CCDC88C: variants seen among roughly 807,000 people sequenced by gnomAD.
CCDC88C encodes protein Daple.
Under a neutral mutation model 198.8 loss-of-function variants are expected in CCDC88C, and 131 were observed. The ratio of observed to expected loss-of-function variants is 0.66; its 90% CI spans 0.57 to 0.76. The LOEUF (loss-of-function observed/expected upper bound fraction) is 0.76. CCDC88C is among the 30% of genes least tolerant of loss of function. CCDC88C has a pLI of 0.00. For missense variants in CCDC88C, 2,553 were observed against 2,631.6 expected (o/e 0.97, Z 0.65); for synonymous variants, 1,166 against 1,114.7 (o/e 1.05, Z -0.92).
chr14:91,365,135 T>A (rs1596116546), intron 3 of CCDC88C, among the ~76,000 whole-genome samples: 1 of 151,856 alleles, frequency 6.6e-6, no homozygotes, highest in Non-Finnish European at 1.5e-5. Flanking sequence ...TACGGTCCCC[T>A]CCAGCCTAAG....
Position 91,339,589 on chromosome 14 carries a change from G to A in CCDC88C, c.625-127C>T, listed in dbSNP as rs1893218598. On this transcript the variant is annotated intron_variant, in intron 7 of 29. Coordinates refer to ENST00000389857, the MANE Select transcript of CCDC88C (RefSeq NM_001080414.4). This position sits in a 1 kb window ranked among gnomAD's most constrained non-coding sequence, Gnocchi z 5.8. ...TCAGCGGAGACTAAGAAACGAGGAG[G>A]AAGGTGGGAAAAGGCTGGCATGGGT... 4.1e-6 allele frequency: 4 copies of A among 977,008 alleles called. No individual in the cohort carries two copies. The highest frequency in any genetic ancestry group is 2.3e-4 in the Middle Eastern group (1 of 4,368). The allele number at this position is 977,008 out of a possible 1,614,324, so 60.5% of individuals were successfully genotyped here.
chr14:91,321,105 A>G lies in CCDC88C; in HGVS notation c.1527+15T>C. On this transcript the variant is annotated intron_variant, in intron 13 of 29. Coordinates refer to ENST00000389857, the MANE Select transcript of CCDC88C (RefSeq NM_001080414.4). ...GGTTCTGTGCTTCCCCGGTGGCCTA[A>G]GGAGGCCGAGGTACCTTCTTGCTGA... The G allele has an allele frequency of 6.3e-7, 1 of 1,598,634 alleles. No individual in the cohort carries two copies. Among genetic ancestry groups the G allele is most frequent in the Non-Finnish European group, 8.5e-7 (1 of 1,172,280 alleles).
chr14:91,357,521 G>C (rs1894091985), intron 4 of CCDC88C, among the ~76,000 whole-genome samples: 1 of 152,202 alleles, frequency 6.6e-6, no homozygotes, highest in Non-Finnish European at 1.5e-5. Context: ...GCGTGCTAAG[G>C]AGTGGCTGTC....
chr14:91,339,740 G>T lies in CCDC88C; in HGVS notation c.624+144C>A. 1 of 1,084,820 alleles carries T rather than the reference G, an allele frequency of 9.2e-7. No homozygotes were observed. Among genetic ancestry groups the T allele is most frequent in the Non-Finnish European group, 1.3e-6 (1 of 778,690 alleles). The allele number at this position is 1,084,820 out of a possible 1,614,324, so 67.2% of individuals were successfully genotyped here. ...GAGGTGACCATGCACTGCAGGGGCC[G>T]TAACCAGGGAAAGCACGCACGTCCC... On this transcript the variant is annotated intron_variant, in intron 7 of 29. Transcript: ENST00000389857. This position sits in a 1 kb window ranked among gnomAD's most constrained non-coding sequence, Gnocchi z 5.8.
chr14:91,390,279 A>T lies in CCDC88C; in HGVS notation c.270+18380T>A, dbSNP rs530428514. Among the ~76,000 whole-genome samples, 23 of 152,158 alleles carry T rather than the reference A, an allele frequency of 1.5e-4. 1 individual carries two copies. In the South Asian group the frequency reaches 3.5e-3, roughly 23 times the overall value. Reference sequence around the variant, plus strand: ...CGATTCTGCTCCTTGACACAGATTTAAGCACGGCGTCTGGCACATAGCCAT... The same window carrying T: ...CGATTCTGCTCCTTGACACAGATTTTAGCACGGCGTCTGGCACATAGCCAT... On this transcript the variant is annotated intron_variant, in intron 3 of 29. Coordinates refer to ENST00000389857, the MANE Select transcript of CCDC88C (RefSeq NM_001080414.4).
At chr14:91,345,190 A>ATATATATATATATATTTTTTT (rs1246878587) in intron 4 of CCDC88C, among the ~76,000 whole-genome samples, 2 of 52,200 alleles carry the variant, frequency 3.8e-5, no homozygotes, top group African/African-American at 1.6e-4. Context: ...ATATATATAT[A>ATATATATATATATATTTTTTT]TTTTTTTTTT....
At chr14:91,416,537 T>C (rs1442689821) in intron 2 of CCDC88C, among the ~76,000 whole-genome samples, 6 of 152,140 alleles carry the variant, frequency 3.9e-5, no homozygotes, top group Non-Finnish European at 8.8e-5. Flanking sequence ...TCAAACCAAC[T>C]GCCAGACCCA....
At chr14:91,397,485 C>T (rs1194632183) in intron 3 of CCDC88C, among the ~76,000 whole-genome samples, 1 of 152,206 alleles carries the variant, frequency 6.6e-6, no homozygotes, top group Admixed American at 6.5e-5. Flanking sequence ...CACTCTCACA[C>T]TCATACTCAC....
chr14:91,371,768 C>G lies in CCDC88C; in HGVS notation c.271-12057G>C, dbSNP rs778641910. On this transcript the variant is annotated intron_variant, in intron 3 of 29. Coordinates refer to ENST00000389857, the MANE Select transcript of CCDC88C (RefSeq NM_001080414.4). The surrounding 1 kb of genome is among the most constrained non-coding windows in gnomAD (Gnocchi z 4.2). Reference sequence around the variant, plus strand: ...CACTCCACCGCTCACCCACCCAGGCCCACAGGCACCTATGCCAGGGCAGGG... The same window carrying G: ...CACTCCACCGCTCACCCACCCAGGCGCACAGGCACCTATGCCAGGGCAGGG... Among the ~76,000 whole-genome samples, 2 of 152,216 alleles carry G rather than the reference C, an allele frequency of 1.3e-5. No homozygotes were observed. Among genetic ancestry groups the G allele is most frequent in the Non-Finnish European group, 2.9e-5 (2 of 68,040 alleles).
At chr14:91,310,096 C>A in intron 15 of CCDC88C, 110 bp from the exon 16 acceptor site, 1 of 1,136,670 alleles carries the variant, frequency 8.8e-7, no homozygotes, top group South Asian at 1.7e-5. Context: ...CCACGGCTGC[C>A]TCCGTGTGGA....
rs769432544 is a variant in CCDC88C at position 91,417,722 on chromosome 14, C to A, written c.-32G>T. On this transcript the variant is annotated 5_prime_UTR_variant, in exon 1 of 30. Coordinates refer to ENST00000389857, the MANE Select transcript of CCDC88C (RefSeq NM_001080414.4). The stretch of plus-strand genomic sequence containing the variant: ...GCTGCGCCCGCCGGCTCCGCGCCCC[C>A]CGCCCCGCGTCCCCGTTCCCCCGCG... 9 of 1,479,520 alleles carry A rather than the reference C, an allele frequency of 6.1e-6. No homozygotes were observed. In the East Asian group the frequency reaches 2.3e-4, roughly 38 times the overall value. The allele number at this position is 1,479,520 out of a possible 1,614,324, so 91.6% of individuals were successfully genotyped here.
chr14:91,275,092 C>T (rs1056305296), intron 29 of CCDC88C, among the ~76,000 whole-genome samples: 1 of 152,066 alleles, frequency 6.6e-6, no homozygotes, highest in Non-Finnish European at 1.5e-5. Context: ...ACATTAGGGG[C>T]CTTGTGTGTC....
chr14:91,302,446 C>A lies in CCDC88C; in HGVS notation c.3635+1255G>T, dbSNP rs962690895. Among the ~76,000 whole-genome samples, 3 of 152,354 alleles carry A rather than the reference C, an allele frequency of 2.0e-5. No homozygotes were observed. In the East Asian group the frequency reaches 5.8e-4, roughly 29 times the overall value. On this transcript the variant is annotated intron_variant, in intron 20 of 29. Coordinates refer to ENST00000389857, the MANE Select transcript of CCDC88C (RefSeq NM_001080414.4). ...CTCTGGAGAGCAGCATCCTACCTCT[C>A]CTAGCCCTCCCTGGATCCTGCCATG...
chr14:91,322,115 T>C (rs1892380335), intron 12 of CCDC88C, among the ~76,000 whole-genome samples: 1 of 151,890 alleles, frequency 6.6e-6, no homozygotes, highest in South Asian at 2.1e-4. Flanking sequence ...GCCCGGTTCT[T>C]CCCCCCTTCA....
At chr14:91,399,194 G>C (rs1251055922) in intron 3 of CCDC88C, among the ~76,000 whole-genome samples, 1 of 152,108 alleles carries the variant, frequency 6.6e-6, no homozygotes, top group African/African-American at 2.4e-5. Flanking sequence ...ACCTCCCCAT[G>C]GCTCCCATCT....
At chr14:91,413,316 A>G (rs1348734816) in intron 2 of CCDC88C, among the ~76,000 whole-genome samples, 2 of 152,162 alleles carry the variant, frequency 1.3e-5, no homozygotes, top group East Asian at 1.9e-4. Flanking sequence ...ATCTCCCCCA[A>G]ATTGGTAAAA....
chr14:91,387,519 T>C (rs1308328175), intron 3 of CCDC88C, among the ~76,000 whole-genome samples: 1 of 152,202 alleles, frequency 6.6e-6, no homozygotes, highest in Non-Finnish European at 1.5e-5. Context: ...TCTCTTTCTG[T>C]TGCCCCCAGA....
chr14:91,382,270 C>T (rs1884851326), intron 3 of CCDC88C, among the ~76,000 whole-genome samples: 1 of 152,194 alleles, frequency 6.6e-6, no homozygotes, highest in Non-Finnish European at 1.5e-5. Flanking sequence ...CTTCTCAACA[C>T]AGCCCTCTGG....
chr14:91,314,573 A>T (rs1892012893), intron 14 of CCDC88C, among the ~76,000 whole-genome samples: 1 of 152,182 alleles, frequency 6.6e-6, no homozygotes, highest in African/African-American at 2.4e-5. Context: ...TCTGGCTATC[A>T]GCCTCACTGG....
Sources: gnomAD v4.1 joint callset for allele counts (sites outside exome capture counted in the v4.1 genomes callset) on GRCh38, gnomAD v4.1.1 for gene constraint, Gnocchi (gnomAD v3.1) non-coding constraint, MANE v1.5 for transcripts, NCBI Gene and HGNC (gene_info 2026-07-23, HGNC 2026-07-21) for gene names.